COLGALT2: variants seen among roughly 807,000 people sequenced by gnomAD.
The protein encoded by COLGALT2 is collagen beta(1-O)galactosyltransferase 2.
COLGALT2 carries 49 observed loss-of-function variants against 73.4 expected under a neutral mutation model. That is an observed-to-expected ratio of 0.67 (90% CI 0.53 to 0.85). The LOEUF is 0.85. Ranked by LOEUF, COLGALT2 falls within the 40% of genes least tolerant of loss-of-function variation. The probability of loss-of-function intolerance (pLI) is 0.00; values close to 1 mark genes in which losing one functional copy is unlikely to be tolerated. For missense variants in COLGALT2, 722 were observed against 790.2 expected (o/e 0.91, Z 1.03); for synonymous variants, 295 against 307.6 (o/e 0.96, Z 0.43).
intron 4 of COLGALT2, 105 bp downstream of exon 4, chr1:183,973,511 C>T (rs1671106020): frequency 7.1e-7 from 1 of 1,408,838 alleles, no homozygotes; most frequent in African/African-American, 1.4e-5. Context: ...CAATGACACG[C>T]ATGTTTCAAG....
chr1:183,985,415 G>A (rs938986549), intron 1 of COLGALT2, among the ~76,000 whole-genome samples: 1 of 152,204 alleles, frequency 6.6e-6, no homozygotes, highest in African/African-American at 2.4e-5. Context: ...TGGGATTACA[G>A]GCATGCGCCA....
chr1:184,019,810 G>C (rs748930213), intron 1 of COLGALT2, among the ~76,000 whole-genome samples: 1 of 152,202 alleles, frequency 6.6e-6, no homozygotes, highest in Non-Finnish European at 1.5e-5. Flanking sequence ...TCTGTGGGAA[G>C]ATGCAGAGCA....
At chr1:184,010,123 A>C (rs187801922) in intron 1 of COLGALT2, among the ~76,000 whole-genome samples, 3 of 152,256 alleles carry the variant, frequency 2.0e-5, no homozygotes, top group Non-Finnish European at 4.4e-5. Flanking sequence ...TCACCTAAAA[A>C]TCTACAGGGA....
At chr1:183,963,320 T>A (rs944422450) in intron 6 of COLGALT2, among the ~76,000 whole-genome samples, 4 of 152,182 alleles carry the variant, frequency 2.6e-5, no homozygotes, top group African/African-American at 9.7e-5. Flanking sequence ...ATGGGCATAA[T>A]AAAAACCCTT....
chr1:184,026,818 C>A (rs1449234285), intron 1 of COLGALT2, among the ~76,000 whole-genome samples: 1 of 152,130 alleles, frequency 6.6e-6, no homozygotes, highest in Non-Finnish European at 1.5e-5. Flanking sequence ...TGAAGTGGCT[C>A]AAATGAATTC....
intron 1 of COLGALT2, among the ~76,000 whole-genome samples, chr1:184,036,772 G>C (rs1001129330): frequency 6.6e-6 from 1 of 152,228 alleles, no homozygotes; most frequent in East Asian, 1.9e-4. Flanking sequence ...CGAGGGAACT[G>C]AAAGTCCCCT....
intron 8 of COLGALT2, 174 bp from the exon 9 acceptor site, chr1:183,945,738 G>A: frequency 1.5e-6 from 1 of 682,148 alleles, no homozygotes; most frequent in East Asian, 2.7e-5. Flanking sequence ...CTAGTATTAT[G>A]AGGTCTGGGA....
intron 2 of COLGALT2, among the ~76,000 whole-genome samples, chr1:183,975,876 T>C (rs931379173): frequency 3.3e-5 from 5 of 152,216 alleles, no homozygotes; most frequent in African/African-American, 1.2e-4. Context: ...ATTGATACTG[T>C]TGCAGTAACC....
At chr1:183,931,829 G>A (rs1055956694), downstream of COLGALT2, among the ~76,000 whole-genome samples, 2 of 143,506 alleles carry the variant, frequency 1.4e-5, no homozygotes, top group Non-Finnish European at 3.0e-5. Flanking sequence ...AAGACTGAAT[G>A]ATTTAAGCTG....
chr1:184,001,075 C>T (rs531702159), intron 1 of COLGALT2, among the ~76,000 whole-genome samples: 135 of 152,150 alleles, frequency 8.9e-4, no homozygotes, highest in African/African-American at 3.1e-3. Flanking sequence ...CCTCGTGATC[C>T]GTCTGCCTCG....
At chr1:183,929,901 G>A (rs930653415) in exon 12 of COLGALT2, 1 of 236,300 alleles carries the variant, frequency 4.2e-6, no homozygotes, top group East Asian at 1.1e-4. Context: ...ACGGGACAGT[G>A]TAATGCAAGC....
chr1:184,007,671 C>A (rs976161048), intron 1 of COLGALT2, among the ~76,000 whole-genome samples: 9 of 152,188 alleles, frequency 5.9e-5, no homozygotes, highest in Non-Finnish European at 8.8e-5. Context: ...CTGGGGACTG[C>A]AGCTGCTCCA....
intron 1 of COLGALT2, among the ~76,000 whole-genome samples, chr1:184,000,969 A>G (rs1671905462): frequency 6.6e-6 from 1 of 151,796 alleles, no homozygotes; most frequent in African/African-American, 2.4e-5. Flanking sequence ...ATCTGGGACT[A>G]CAGGCGCCCG....
chr1:184,002,886 T>G lies in COLGALT2; in HGVS notation c.264-24366A>C, dbSNP rs577256210. On this transcript the variant is annotated intron_variant, in intron 1 of 11. Transcript: ENST00000361927. ...CACTTATAAGATTATATCCTATAAA[T>G]ATACTGGAATAGCATTAAAATATAT... Among the ~76,000 whole-genome samples the G allele has an allele frequency of 1.6e-4, 25 of 152,306 alleles. No individual in the cohort carries two copies. In the South Asian group the frequency reaches 5.0e-3, roughly 30 times the overall value.
chr1:183,942,692 T>C (rs1670147563), intron 10 of COLGALT2, among the ~76,000 whole-genome samples: 1 of 152,240 alleles, frequency 6.6e-6, no homozygotes, highest in African/African-American at 2.4e-5. Context: ...AAATAACAGG[T>C]ACAATTTAAA....
In COLGALT2 at chr1:183,936,517, G is replaced by T; in HGVS notation, c.*2244C>A. On this transcript the variant is annotated 3_prime_UTR_variant, in exon 12 of 12. Coordinates refer to ENST00000361927, the MANE Select transcript of COLGALT2 (RefSeq NM_015101.4). ...TAAATCTGTCAGACCAGCTGACAGGGGAACAGGAAAAAAAAAATTCTCTAT... is the reference window on the plus strand; with the variant it reads ...TAAATCTGTCAGACCAGCTGACAGGTGAACAGGAAAAAAAAAATTCTCTAT... 1 of 1,025,370 alleles carries T rather than the reference G, an allele frequency of 9.8e-7. No homozygotes were observed. Among genetic ancestry groups the T allele is most frequent in the Non-Finnish European group, 1.2e-6 (1 of 856,524 alleles). 63.5% of individuals were successfully genotyped at this position (1,025,370 alleles called of 1,614,324 possible).
intron 7 of COLGALT2, 144 bp from the exon 8 acceptor site, chr1:183,951,257 C>T (rs2986549): frequency 0.8 from 501,396 of 626,198 alleles, 202,769 homozygotes; most frequent in East Asian, 1. Flanking sequence ...TTCTATCTCA[C>T]ATCAGTGTTT....
intron 1 of COLGALT2, among the ~76,000 whole-genome samples, chr1:184,017,430 C>A (rs887127927): frequency 6.6e-6 from 1 of 152,130 alleles, no homozygotes; most frequent in Non-Finnish European, 1.5e-5. Flanking sequence ...ACTTTTGATA[C>A]CAGCCAGACG....
intron 7 of COLGALT2, among the ~76,000 whole-genome samples, chr1:183,953,763 T>C (rs1670476396): frequency 6.6e-6 from 1 of 152,196 alleles, no homozygotes; most frequent in South Asian, 2.1e-4. Flanking sequence ...TTAATAATCA[T>C]GAAATATTCT....
Sources: allele counts gnomAD v4.1 joint callset (sites outside exome capture counted in the v4.1 genomes callset), GRCh38; gene constraint gnomAD v4.1.1; transcripts MANE v1.5; gene names NCBI Gene and HGNC (gene_info 2026-07-23, HGNC 2026-07-21).